The following FHIT variants were observed in gnomAD, a reference collection of about 807,000 sequenced individuals.
FHIT encodes the protein fragile histidine triad diadenosine triphosphatase.
FHIT carries 19 observed loss-of-function variants against 17.9 expected under a neutral mutation model. The observed-to-expected ratio is 1.06, with a 90% CI of 0.74 to 1.56. The LOEUF (loss-of-function observed/expected upper bound fraction) is 1.56. FHIT is among the 40% of genes most tolerant of loss of function. The pLI is 0.00. For missense variants in FHIT, 248 were observed against 189.2 expected, an observed-to-expected ratio of 1.31 and a Z score of -1.82; for synonymous variants, 81 against 69.7, an observed-to-expected ratio of 1.16 and a Z score of -0.81.
At chr3:60,945,263 T>A (rs1409883507) in intron 3 of FHIT, among the ~76,000 whole-genome samples, 1 of 151,750 alleles carries the variant, frequency 6.6e-6, no homozygotes, top group African/African-American at 2.4e-5. Flanking sequence ...AGAAAACCAA[T>A]GTCAACAGAC....
chr3:60,421,907 C>T (rs528082968), intron 5 of FHIT, among the ~76,000 whole-genome samples: 1 of 152,124 alleles, frequency 6.6e-6, no homozygotes, highest in South Asian at 2.1e-4. Context: ...TGTTCAGGGG[C>T]CATTGCAAAA....
chr3:60,950,311 T>C (rs1444205112), intron 3 of FHIT, among the ~76,000 whole-genome samples: 1 of 152,220 alleles, frequency 6.6e-6, no homozygotes, highest in African/African-American at 2.4e-5. Flanking sequence ...CAGTAGATAC[T>C]GTAATATCAT....
chr3:60,961,695 C>T (rs569075223), intron 3 of FHIT, among the ~76,000 whole-genome samples: 1 of 152,246 alleles, frequency 6.6e-6, no homozygotes, highest in Non-Finnish European at 1.5e-5. Context: ...AATCCTTTCC[C>T]CATTTCTTGT....
chr3:60,723,321 T>C (rs968364812), intron 4 of FHIT, among the ~76,000 whole-genome samples: 13 of 152,010 alleles, frequency 8.6e-5, no homozygotes, highest in Non-Finnish European at 1.9e-4. Context: ...AATGTTGGCC[T>C]TTGGTTAGCA....
chr3:60,059,806 G>A (rs73840544), intron 5 of FHIT, among the ~76,000 whole-genome samples: 2,185 of 152,172 alleles, frequency 0.014, 46 homozygotes, highest in African/African-American at 0.05. Context: ...TCCCCTTCTA[G>A]TACAAGACTC....
chr3:60,716,048 C>T (rs1201249978), intron 4 of FHIT, among the ~76,000 whole-genome samples: 5 of 151,900 alleles, frequency 3.3e-5, no homozygotes, highest in African/African-American at 1.2e-4. Context: ...GTCAGGAGTT[C>T]GAGACCAACA....
chr3:60,505,675 G>A (rs985476065), intron 5 of FHIT, among the ~76,000 whole-genome samples: 3 of 152,220 alleles, frequency 2.0e-5, no homozygotes, highest in East Asian at 1.9e-4. Flanking sequence ...TTTGGGCTCT[G>A]TTTTTGATTG....
intron 5 of FHIT, among the ~76,000 whole-genome samples, chr3:60,183,892 T>C (rs931656072): frequency 6.6e-6 from 1 of 152,170 alleles, no homozygotes; most frequent in African/African-American, 2.4e-5. Context: ...TTCCCATATA[T>C]GCCACACCTA....
At position 60,614,809 on chromosome 3, in the gene FHIT, G is replaced by GTT. The variant is rs147892145; in HGVS notation, c.-17-77832_-17-77831dup. Among the ~76,000 whole-genome samples, 81 of 78,214 alleles carry GTT rather than the reference G, an allele frequency of 1.0e-3. 2 individuals are homozygous for GTT. The highest frequency in any genetic ancestry group is 6.8e-3 in the Middle Eastern group (1 of 146). The allele number at this position is 78,214 out of a possible 152,430, so 51.3% of individuals were successfully genotyped here. A position where few individuals can be genotyped will look rare whatever the true frequency, so the allele number is the denominator to read the frequency against. Reference sequence around the variant, plus strand: ...CGATTTGTAAAAAATTGCAAAAGTTGTTTTTTTTTTGTTTTTTTTTTGTTT... The same window carrying GTT: ...CGATTTGTAAAAAATTGCAAAAGTTGTTTTTTTTTTTTGTTTTTTTTTTGTTT... On this transcript the variant is annotated intron_variant, in intron 4 of 9. Coordinates refer to ENST00000492590, the MANE Select transcript of FHIT (RefSeq NM_002012.4).
intron 5 of FHIT, among the ~76,000 whole-genome samples, chr3:60,128,810 G>C (rs1012765140): frequency 5.3e-5 from 8 of 152,150 alleles, no homozygotes; most frequent in Admixed American, 5.2e-4. Flanking sequence ...GAACAGATAA[G>C]GCTGTGACCT....
rs554578669 is a variant in FHIT, at chr3:60,916,398, T to C, written c.-110-94387A>G. On this transcript the variant is annotated intron_variant, in intron 3 of 9. Coordinates refer to ENST00000492590, the MANE Select transcript of FHIT (RefSeq NM_002012.4). ...ATTCATGATACCAATACATCTTGCA[T>C]TGAAGGAATTCCAAAACAACCAAAA... 2.4e-4 allele frequency among the ~76,000 whole-genome samples: 36 copies of C among 152,340 alleles called. 1 individual carries two copies. In the South Asian group the frequency reaches 7.0e-3, roughly 30 times the overall value.
At chr3:60,311,980 T>C (rs1329115706) in intron 5 of FHIT, among the ~76,000 whole-genome samples, 5 of 152,174 alleles carry the variant, frequency 3.3e-5, no homozygotes, top group African/African-American at 7.2e-5. Flanking sequence ...CTTTATAAAC[T>C]GAATTATAAA....
At chr3:60,988,703 C>A (rs1011119822) in intron 3 of FHIT, among the ~76,000 whole-genome samples, 4 of 151,996 alleles carry the variant, frequency 2.6e-5, no homozygotes, top group Non-Finnish European at 4.4e-5. Context: ...GACTGTTCAG[C>A]CTTGACAAGG....
intron 5 of FHIT, among the ~76,000 whole-genome samples, chr3:60,062,273 C>G (rs1218758678): frequency 6.6e-6 from 1 of 152,018 alleles, no homozygotes; most frequent in African/African-American, 2.4e-5. Flanking sequence ...GATGCTGAAA[C>G]AATGAATGAG....
intron 1 of FHIT, among the ~76,000 whole-genome samples, chr3:61,244,953 G>C (rs2040455247): frequency 1.3e-5 from 2 of 152,186 alleles, no homozygotes; most frequent in Non-Finnish European, 2.9e-5. Context: ...TTTTGTTACA[G>C]GGGAGTCAAC....
intron 5 of FHIT, among the ~76,000 whole-genome samples, chr3:60,321,917 G>C (rs1709451465): frequency 6.6e-6 from 1 of 152,186 alleles, no homozygotes; most frequent in Admixed American, 6.5e-5. Flanking sequence ...CATGAGGGCA[G>C]AGCCCTCGTG....
chr3:60,935,399 T>A (rs2107386226), intron 3 of FHIT, among the ~76,000 whole-genome samples: 1 of 152,164 alleles, frequency 6.6e-6, no homozygotes, highest in African/African-American at 2.4e-5. Context: ...GATACAAAAA[T>A]CACACAAATA....
intron 5 of FHIT, among the ~76,000 whole-genome samples, chr3:60,241,917 T>C (rs1009767969): frequency 6.6e-6 from 1 of 152,136 alleles, no homozygotes; most frequent in Non-Finnish European, 1.5e-5. Flanking sequence ...GTAATTTATC[T>C]AAGTTTCCAA....
chr3:60,270,469 G>C (rs1706807180), intron 5 of FHIT, among the ~76,000 whole-genome samples: 2 of 152,218 alleles, frequency 1.3e-5, no homozygotes, highest in Admixed American at 6.5e-5. Context: ...AATATGGGAA[G>C]AGGAAAGCAG....
Sources: allele counts gnomAD v4.1 joint callset (sites outside exome capture counted in the v4.1 genomes callset), GRCh38; gene constraint gnomAD v4.1.1; transcripts MANE v1.5; gene names NCBI Gene and HGNC (gene_info 2026-07-23, HGNC 2026-07-21).